PIERCE2: variants seen among roughly 807,000 people sequenced by gnomAD.
The protein encoded by PIERCE2 is piercer of microtubule wall 2 protein.
the PIERCE2 span, chr15:55,418,337 C>T: frequency 1.3e-6 from 2 of 1,540,996 alleles, no homozygotes; most frequent in Non-Finnish European, 1.8e-6. Flanking sequence ...TCCAAAGACA[C>T]TCCAGACAGC....
At chr15:55,415,876 G>T in the PIERCE2 span, among the ~76,000 whole-genome samples, 1 of 152,110 alleles carries the variant, frequency 6.6e-6, no homozygotes, top group Non-Finnish European at 1.5e-5. Context: ...GACAATATGA[G>T]GGGTGGTCTT....
chr15:55,408,700 C>G, the PIERCE2 span: 1 of 1,097,514 alleles, frequency 9.1e-7, no homozygotes, highest in Middle Eastern at 2.0e-4. Flanking sequence ...CCTAGGCGTT[C>G]ACCGGCTTTC....
chr15:55,414,151 C>T, the PIERCE2 span, among the ~76,000 whole-genome samples: 8 of 151,532 alleles, frequency 5.3e-5, no homozygotes, highest in Admixed American at 4.6e-4. Context: ...CCCGCCTCAG[C>T]TTCCCAAAGT....
the PIERCE2 span, among the ~76,000 whole-genome samples, chr15:55,408,977 G>A: frequency 0.036 from 5,528 of 152,206 alleles, 103 homozygotes; most frequent in African/African-American, 0.05. Context: ...AAGGTGTAAA[G>A]ACCATCGAGA....
At chr15:55,415,559 G>A in the PIERCE2 span, among the ~76,000 whole-genome samples, 3 of 151,852 alleles carry the variant, frequency 2.0e-5, no homozygotes, top group South Asian at 4.2e-4. Flanking sequence ...AGCAATTCCC[G>A]TCCCTCTTAA....
chr15:55,408,582 C>A, the PIERCE2 span: 1 of 407,676 alleles, frequency 2.5e-6, no homozygotes, highest in Non-Finnish European at 4.4e-6. Context: ...TGGTTTCACC[C>A]GGGAAAACAG....
At chr15:55,415,456 CAAA>C in the PIERCE2 span, among the ~76,000 whole-genome samples, 8 of 82,740 alleles carry the variant, frequency 9.7e-5, no homozygotes, top group Non-Finnish European at 1.1e-4. Flanking sequence ...AACTTCGTCT[CAAA>C]AAAAAAAAAA....
At chr15:55,412,004 T>C in the PIERCE2 span, among the ~76,000 whole-genome samples, 4 of 148,004 alleles carry the variant, frequency 2.7e-5, no homozygotes, top group African/African-American at 1.0e-4. Flanking sequence ...GGCAGGAGAA[T>C]TGCTTGAACC....
At chr15:55,409,453 A>G in the PIERCE2 span, among the ~76,000 whole-genome samples, 1 of 152,202 alleles carries the variant, frequency 6.6e-6, no homozygotes, top group Non-Finnish European at 1.5e-5. Context: ...AGAAGCAATA[A>G]AAAGTTTAGG....
At chr15:55,414,451 TC>T in the PIERCE2 span, among the ~76,000 whole-genome samples, 11,639 of 151,924 alleles carry the variant, frequency 0.077, 1,220 homozygotes, top group East Asian at 0.52. Flanking sequence ...CCTCAGGTGA[TC>T]CACCGCACTC....
the PIERCE2 span, among the ~76,000 whole-genome samples, chr15:55,415,388 G>A: frequency 6.6e-5 from 10 of 151,580 alleles, no homozygotes; most frequent in Admixed American, 2.6e-4. Context: ...CCTGGAAGGC[G>A]GAGGTTGCAG....
chr15:55,412,680 T>C, the PIERCE2 span, among the ~76,000 whole-genome samples: 4 of 152,072 alleles, frequency 2.6e-5, no homozygotes, highest in Non-Finnish European at 5.9e-5. Flanking sequence ...GGCCTGAGGA[T>C]CACTTCAGCC....
chr15:55,413,039 C>T, the PIERCE2 span, among the ~76,000 whole-genome samples: 1 of 152,100 alleles, frequency 6.6e-6, no homozygotes, highest in Non-Finnish European at 1.5e-5. Flanking sequence ...GAGGCCAAGG[C>T]GGGCGGATCA....
At chr15:55,413,511 C>T in the PIERCE2 span, among the ~76,000 whole-genome samples, 1 of 152,014 alleles carries the variant, frequency 6.6e-6, no homozygotes, top group Non-Finnish European at 1.5e-5. Flanking sequence ...GTAATCCCAG[C>T]ACTTTGGGAG....
At chr15:55,418,081 C>T in the PIERCE2 span, 1 of 1,563,626 alleles carries the variant, frequency 6.4e-7, no homozygotes. Context: ...GATATGATGG[C>T]TTAGCTTGGG....
At chr15:55,417,835 G>A in the PIERCE2 span, 2 of 273,994 alleles carry the variant, frequency 7.3e-6, no homozygotes, top group African/African-American at 4.5e-5. Context: ...AGGGAGATAG[G>A]GGTGGGGCCG....
the PIERCE2 span, among the ~76,000 whole-genome samples, chr15:55,413,061 G>C: frequency 1.3e-5 from 2 of 152,096 alleles, no homozygotes; most frequent in Non-Finnish European, 2.9e-5. Context: ...GAGGTCAGGA[G>C]ATCGAGACCA....
the PIERCE2 span, among the ~76,000 whole-genome samples, chr15:55,409,439 T>A: frequency 1.3e-5 from 2 of 152,094 alleles, no homozygotes; most frequent in Non-Finnish European, 1.5e-5. Flanking sequence ...TATTCACTCT[T>A]TACAGAAGCA....
the PIERCE2 span, chr15:55,408,864 C>A: frequency 2.9e-6 from 3 of 1,022,350 alleles, no homozygotes; most frequent in Non-Finnish European, 4.3e-6. Context: ...CTACTCCTAC[C>A]ACCCCCAACC....
Sources: gnomAD v4.1 joint callset for allele counts (sites outside exome capture counted in the v4.1 genomes callset) on GRCh38, gnomAD v4.1.1 for gene constraint, MANE v1.5 for transcripts, NCBI Gene and HGNC (gene_info 2026-07-23, HGNC 2026-07-21) for gene names.